The following CMIP variants were observed in gnomAD, a reference collection of about 807,000 sequenced individuals.
CMIP encodes C-Maf-inducing protein.
Under a neutral mutation model 97.3 loss-of-function variants are expected in CMIP, and 13 were observed. The observed-to-expected ratio is 0.13, with a 90% CI of 0.09 to 0.21. The LOEUF (loss-of-function observed/expected upper bound fraction) is 0.21. Among genes scored for constraint, CMIP ranks in the 10% least tolerant of loss-of-function variants. CMIP has a pLI of 1.00. For missense variants in CMIP, 847 were observed against 1,024.9 expected (o/e 0.83, Z 2.37); for synonymous variants, 538 against 436.3 (o/e 1.23, Z -2.91).
At chr16:81,584,154 CT>C (rs767496365) in intron 1 of CMIP, among the ~76,000 whole-genome samples, 16 of 152,108 alleles carry the variant, frequency 1.1e-4, no homozygotes, top group Non-Finnish European at 2.1e-4. Flanking sequence ...CAAGCCAGGC[CT>C]GGGAAGACGG....
At chr16:81,620,979 G>A (rs2091984695) in intron 3 of CMIP, 53 bp downstream of exon 3, 1 of 1,603,218 alleles carries the variant, frequency 6.2e-7, no homozygotes, top group Non-Finnish European at 8.5e-7. Context: ...TGGTGCGATG[G>A]CTTAAAGCCA....
chr16:81,613,495 A>G (rs2091864536), intron 2 of CMIP, among the ~76,000 whole-genome samples: 1 of 150,890 alleles, frequency 6.6e-6, no homozygotes, highest in South Asian at 2.1e-4. Flanking sequence ...GGAACCCTAA[A>G]CAGCAGGAAG....
At chr16:81,494,038 A>G (rs2089448325) in intron 1 of CMIP, among the ~76,000 whole-genome samples, 1 of 152,220 alleles carries the variant, frequency 6.6e-6, no homozygotes, top group East Asian at 1.9e-4. Context: ...GTGATTCACC[A>G]TGTGATCGGG....
In CMIP at chr16:81,705,801, C is replaced by G. The variant is rs531830105; in HGVS notation, c.2197+197C>G. ...CAGGAACAACACAGGGAAAAATATC[C>G]CTAACCTCAGAGAGCTTATATTCTA... On this transcript the variant is annotated intron_variant, in intron 19 of 20. Coordinates refer to ENST00000537098, the MANE Select transcript of CMIP (RefSeq NM_198390.3). Among the ~76,000 whole-genome samples, 4 of 152,354 alleles carry G rather than the reference C, an allele frequency of 2.6e-5. No homozygotes were observed. The South Asian group carries it at 8.3e-4, about 32-fold the overall frequency.
At chr16:81,704,841 G>C (rs1253032783) in intron 18 of CMIP, among the ~76,000 whole-genome samples, 3 of 150,402 alleles carry the variant, frequency 2.0e-5, no homozygotes, top group Non-Finnish European at 4.4e-5. Context: ...AGGACCTCAT[G>C]AAGCCCTGCA....
intron 18 of CMIP, among the ~76,000 whole-genome samples, 151 bp downstream of exon 18, chr16:81,704,236 C>CCT (rs1907778708): frequency 1.1e-5 from 1 of 93,912 alleles, no homozygotes. Context: ...CTCCCTGCCC[C>CCT]CCTTACTCTC....
intron 1 of CMIP, among the ~76,000 whole-genome samples, chr16:81,558,790 G>C (rs777107164): frequency 1.3e-5 from 2 of 152,210 alleles, no homozygotes; most frequent in Non-Finnish European, 2.9e-5. Context: ...CCAATGCCAG[G>C]AGCTTGGCAT....
At chr16:81,606,976 A>AGAGGGAGG (rs1163624055) in intron 1 of CMIP, 1 of 154,886 alleles carries the variant, frequency 6.5e-6, no homozygotes, top group African/African-American at 2.4e-5. Flanking sequence ...GGAAAGGGAG[A>AGAGGGAGG]GATGCCGCCG....
At chr16:81,529,124 T>C (rs1276567356) in intron 1 of CMIP, among the ~76,000 whole-genome samples, 1 of 152,222 alleles carries the variant, frequency 6.6e-6, no homozygotes, top group Non-Finnish European at 1.5e-5. Flanking sequence ...GATTAAATAG[T>C]TATTCATAAT....
At chr16:81,685,042 G>A (rs1337125011) in intron 10 of CMIP, among the ~76,000 whole-genome samples, 1 of 152,244 alleles carries the variant, frequency 6.6e-6, no homozygotes, top group Non-Finnish European at 1.5e-5. Context: ...ATGCACAAGA[G>A]GGTTCCTCAT....
intron 3 of CMIP, among the ~76,000 whole-genome samples, chr16:81,636,027 A>G (rs553054250): frequency 3.3e-5 from 5 of 152,210 alleles, no homozygotes; most frequent in Non-Finnish European, 7.4e-5. Context: ...GCCAGCATGT[A>G]TGATGCAGCT....
chr16:81,664,197 C>T, intron 6 of CMIP, 72 bp from the exon 7 acceptor site: 3 of 1,452,332 alleles, frequency 2.1e-6, no homozygotes, highest in Non-Finnish European at 2.8e-6. Context: ...TGTCCCCAGC[C>T]CTGCTAGCAG....
chr16:81,666,859 A>T (rs2092608778), intron 7 of CMIP: 1 of 152,180 alleles, frequency 6.6e-6, no homozygotes, highest in African/African-American at 2.4e-5. Flanking sequence ...CTAACAACAC[A>T]GGCGGTGGGC....
At chr16:81,467,556 G>C (rs903903797) in intron 1 of CMIP, among the ~76,000 whole-genome samples, 5 of 151,692 alleles carry the variant, frequency 3.3e-5, no homozygotes, top group African/African-American at 1.2e-4. Flanking sequence ...CTTCTCTTTT[G>C]CTCCTTTATT....
rs1447058244 is a variant in CMIP at position 81,444,946 on chromosome 16, G to A, written c.-296G>A. ...CCGCGCCTGGCCCCGGCCCGCCCTC[G>A]GCCTCCCCCGCCCCTCCCCGTCGCC... On this transcript the variant is annotated 5_prime_UTR_variant, in exon 1 of 21. Transcript: ENST00000537098. 1.1e-5 allele frequency among the ~76,000 whole-genome samples: 1 copy of A among 89,272 alleles called. No individual in the cohort carries two copies. Among genetic ancestry groups the A allele is most frequent in the Non-Finnish European group, 2.2e-5 (1 of 45,758 alleles). The allele number at this position is 89,272 out of a possible 152,430, so 58.6% of individuals were successfully genotyped here. A position where few individuals can be genotyped will look rare whatever the true frequency, so the allele number is the denominator to read the frequency against.
At chr16:81,497,945 C>T (rs747445839) in intron 1 of CMIP, among the ~76,000 whole-genome samples, 2 of 152,260 alleles carry the variant, frequency 1.3e-5, no homozygotes, top group African/African-American at 4.8e-5. Context: ...CAGTGCCTGC[C>T]GACTCTCCGG....
intron 1 of CMIP, among the ~76,000 whole-genome samples, chr16:81,486,912 C>T (rs1377176199): frequency 6.6e-6 from 1 of 152,266 alleles, no homozygotes; most frequent in Non-Finnish European, 1.5e-5. Flanking sequence ...AGGCATCGCA[C>T]ATTCCATACT....
chr16:81,694,865 G>C (rs1906523897), intron 13 of CMIP, among the ~76,000 whole-genome samples: 1 of 152,200 alleles, frequency 6.6e-6, no homozygotes, highest in South Asian at 2.1e-4. Context: ...CCTCAGGCAT[G>C]GAGGGAAAAA....
intron 1 of CMIP, among the ~76,000 whole-genome samples, chr16:81,548,336 G>A (rs904575736): frequency 1.3e-5 from 2 of 152,134 alleles, no homozygotes; most frequent in African/African-American, 4.8e-5. Context: ...GTCTCGTTTT[G>A]TTGTTCAGGC....
Sources: allele counts gnomAD v4.1 joint callset (sites outside exome capture counted in the v4.1 genomes callset), GRCh38; gene constraint gnomAD v4.1.1; transcripts MANE v1.5; gene names NCBI Gene and HGNC (gene_info 2026-07-23, HGNC 2026-07-21).